The following PARD6G variants were observed in gnomAD, a reference collection of about 807,000 sequenced individuals.
PARD6G encodes the protein partitioning defective 6 homolog gamma.
PARD6G carries 7 observed loss-of-function variants against 10.7 expected under a neutral mutation model. The ratio of observed to expected loss-of-function variants is 0.66; its 90% CI spans 0.37 to 1.23. The LOEUF (loss-of-function observed/expected upper bound fraction) is 1.23. Among genes scored for constraint, PARD6G ranks in the 50% most tolerant of loss-of-function variants. The probability of loss-of-function intolerance (pLI) is 0.02; values close to 1 mark genes in which losing one functional copy is unlikely to be tolerated. For synonymous variants in PARD6G, 287 were observed against 269.4 expected (o/e 1.07, Z -0.64); for missense variants, 548 against 571.8 (o/e 0.96, Z 0.42).
intron 2 of PARD6G, chr18:80,168,715 A>G (rs2052753708): frequency 5.9e-6 from 1 of 168,364 alleles, no homozygotes; most frequent in South Asian, 2.0e-4. Flanking sequence ...CCTCCCAGCA[A>G]TTCTCATGCT....
rs1276288904 is a variant in PARD6G at position 80,246,194 on chromosome 18, G to C, written c.72+1083C>G. Among the ~76,000 whole-genome samples the C allele has an allele frequency of 1.3e-5, 2 of 152,074 alleles. No individual in the cohort carries two copies. The highest frequency in any genetic ancestry group is 1.3e-4 in the Admixed American group (2 of 15,266). On this transcript the variant is annotated intron_variant, in intron 1 of 2. Transcript: ENST00000353265. The surrounding 1 kb of genome is among the most constrained non-coding windows in gnomAD (Gnocchi z 6.7). ...AGCCTTTCCCACAACTCTGAGAACC[G>C]GGGTGCGAAGAAAGAAAGGGCGAAA... is the stretch of plus-strand genomic sequence containing the variant.
At chr18:80,191,681 T>C (rs6417053) in intron 2 of PARD6G, among the ~76,000 whole-genome samples, 6 of 152,242 alleles carry the variant, frequency 3.9e-5, no homozygotes, top group Non-Finnish European at 2.9e-5. Context: ...TATGCCACAA[T>C]TTAAATATAT....
chr18:80,222,084 TTC>T (rs1474778953), intron 1 of PARD6G, among the ~76,000 whole-genome samples: 3 of 152,138 alleles, frequency 2.0e-5, no homozygotes, highest in African/African-American at 4.8e-5. Context: ...CTTAATTTTT[TTC>T]TTTTTTCTTT....
chr18:80,242,187 T>C (rs1967498057), intron 1 of PARD6G, among the ~76,000 whole-genome samples: 1 of 152,174 alleles, frequency 6.6e-6, no homozygotes, highest in African/African-American at 2.4e-5. Context: ...CCCTGGTAAG[T>C]CTCCCTAAGA....
intron 1 of PARD6G, among the ~76,000 whole-genome samples, chr18:80,223,580 C>T (rs1568441356): frequency 1.3e-5 from 2 of 152,156 alleles, no homozygotes; most frequent in Admixed American, 6.5e-5. Context: ...CTGATAAGAA[C>T]GTGTGGGAAT....
rs368052105 is a variant in PARD6G at position 80,225,917 on chromosome 18, G to A, written c.72+21360C>T. On this transcript the variant is annotated intron_variant, in intron 1 of 2. Coordinates refer to ENST00000353265, the MANE Select transcript of PARD6G (RefSeq NM_032510.4). ...GCCGGCTCACGAGGGCCCCACACAC[G>A]GATGTCTAACTCTGCACATCACCCC... Among the ~76,000 whole-genome samples, 29 of 152,170 alleles carry A rather than the reference G, an allele frequency of 1.9e-4. No homozygotes were observed. In the East Asian group the frequency reaches 2.3e-3, roughly 12 times the overall value.
Position 80,159,609 on chromosome 18 carries a change from A to G in PARD6G, c.*162T>C, listed in dbSNP as rs2052680781. The G allele has an allele frequency of 3.4e-6, 4 of 1,159,636 alleles. No individual in the cohort carries two copies. Among genetic ancestry groups the G allele is most frequent in the Middle Eastern group, 2.2e-4 (1 of 4,588 alleles). The allele number at this position is 1,159,636 out of a possible 1,614,324, so 71.8% of individuals were successfully genotyped here. A position where few individuals can be genotyped will look rare whatever the true frequency, so the allele number is the denominator to read the frequency against. ...TTAAGTTCTGTGGCGAAATTCTATAAAAATAGGCAATACTTGTGTTTTTAT... is the reference window on the plus strand; with the variant it reads ...TTAAGTTCTGTGGCGAAATTCTATAGAAATAGGCAATACTTGTGTTTTTAT... On this transcript the variant is annotated 3_prime_UTR_variant, in exon 3 of 3. Transcript: ENST00000353265.
At chr18:80,209,421 A>G (rs1316654982) in intron 1 of PARD6G, among the ~76,000 whole-genome samples, 3 of 152,206 alleles carry the variant, frequency 2.0e-5, no homozygotes, top group African/African-American at 7.2e-5. Context: ...TATTCCTACA[A>G]CAGGATAGTA....
rs1349785078 is a variant in PARD6G, at chr18:80,157,900, G to A, written c.*1871C>T. ...TCCCTCTTAGCAGTTCCATGTTCAC[G>A]AAGTCAGGACAGTTCTGCCACTGAC... On this transcript the variant is annotated 3_prime_UTR_variant, in exon 3 of 3. Transcript: ENST00000353265. 6.6e-6 allele frequency: 1 copy of A among 152,282 alleles called. No individual in the cohort carries two copies. Among genetic ancestry groups the A allele is most frequent in the South Asian group, 2.1e-4 (1 of 4,832 alleles). The allele number at this position is 152,282 out of a possible 1,614,324, so 9.4% of individuals were successfully genotyped here.
chr18:80,203,121 T>G, intron 1 of PARD6G, 189 bp from the exon 2 acceptor site: 1 of 535,810 alleles, frequency 1.9e-6, no homozygotes, highest in East Asian at 3.4e-5. Flanking sequence ...GGAATGAAGC[T>G]ACAAATGCTT....
rs979573293 is a variant in PARD6G, at chr18:80,173,807, T to C, written c.296-13201A>G. ...TGCCAAAAGGAAATGGTGTCTCAGCTGGAGGTGGCTCTGGAGCTGCTCCCC... is the reference window on the plus strand; with the variant it reads ...TGCCAAAAGGAAATGGTGTCTCAGCCGGAGGTGGCTCTGGAGCTGCTCCCC... On this transcript the variant is annotated intron_variant, in intron 2 of 2. Transcript: ENST00000353265. Among the ~76,000 whole-genome samples the C allele has an allele frequency of 2.6e-5, 4 of 152,220 alleles. 1 individual carries two copies. The highest frequency in any genetic ancestry group is 1.3e-4 in the Admixed American group (2 of 15,278).
At chr18:80,210,396 C>T (rs1236320841) in intron 1 of PARD6G, among the ~76,000 whole-genome samples, 5 of 152,202 alleles carry the variant, frequency 3.3e-5, no homozygotes, top group Non-Finnish European at 5.9e-5. Flanking sequence ...GCAAGCTTTG[C>T]GGTGCTTTCA....
chr18:80,230,867 G>C (rs1198545832), intron 1 of PARD6G, among the ~76,000 whole-genome samples: 2 of 152,108 alleles, frequency 1.3e-5, no homozygotes. Context: ...TAATCCTGAT[G>C]GCAACCCTAG....
In PARD6G at chr18:80,200,225, G is replaced by A. The variant is rs117520700; in HGVS notation, c.295+2485C>T. ...CAGGGGCCTCAGCTCTGCCCCAAAC[G>A]CAAACACACAGATTATGAAACATCA... On this transcript the variant is annotated intron_variant, in intron 2 of 2. Transcript: ENST00000353265. The surrounding 1 kb of genome is among the most constrained non-coding windows in gnomAD (Gnocchi z 4.4). Among the ~76,000 whole-genome samples, 4 of 152,224 alleles carry A rather than the reference G, an allele frequency of 2.6e-5. No homozygotes were observed. The highest frequency in any genetic ancestry group is 1.9e-4 in the East Asian group (1 of 5,182).
At chr18:80,241,759 G>T (rs1456344055) in intron 1 of PARD6G, among the ~76,000 whole-genome samples, 2 of 152,160 alleles carry the variant, frequency 1.3e-5, no homozygotes, top group African/African-American at 4.8e-5. Context: ...TTGCCCAGAG[G>T]AAGTGGATTT....
Position 80,247,089 on chromosome 18 carries a change from G to T in PARD6G, c.72+188C>A, listed in dbSNP as rs372031652. On this transcript the variant is annotated intron_variant, in intron 1 of 2. Coordinates refer to ENST00000353265, the MANE Select transcript of PARD6G (RefSeq NM_032510.4). The surrounding 1 kb of genome is among the most constrained non-coding windows in gnomAD (Gnocchi z 4.2). Reference sequence around the variant, plus strand: ...GCCGCGGCTGCCGGGCTTTGTGTCCGCGCGGGGGGCGGGAAGGACGGCCGG... The same window carrying T: ...GCCGCGGCTGCCGGGCTTTGTGTCCTCGCGGGGGGCGGGAAGGACGGCCGG... Among the ~76,000 whole-genome samples the T allele has an allele frequency of 6.6e-6, 1 of 152,134 alleles. No homozygotes were observed. The highest frequency in any genetic ancestry group is 1.5e-5 in the Non-Finnish European group (1 of 68,014).
chr18:80,186,217 T>C (rs1239315576), intron 2 of PARD6G, among the ~76,000 whole-genome samples: 1 of 133,684 alleles, frequency 7.5e-6, no homozygotes, highest in Non-Finnish European at 1.6e-5. Flanking sequence ...CCCTCACATA[T>C]GCTTGCACAC....
chr18:80,218,163 C>T (rs1022383351), intron 1 of PARD6G, among the ~76,000 whole-genome samples: 3 of 152,116 alleles, frequency 2.0e-5, no homozygotes, highest in Non-Finnish European at 4.4e-5. Flanking sequence ...TTTCTAAACA[C>T]AATCATACCC....
chr18:80,219,887 T>C (rs1429901926), intron 1 of PARD6G, among the ~76,000 whole-genome samples: 1 of 152,106 alleles, frequency 6.6e-6, no homozygotes, highest in Non-Finnish European at 1.5e-5. Flanking sequence ...CATTTCCCTA[T>C]CTTCTTCTGA....
Sources: allele counts gnomAD v4.1 joint callset (sites outside exome capture counted in the v4.1 genomes callset), GRCh38; gene constraint gnomAD v4.1.1; non-coding constraint Gnocchi (gnomAD v3.1); transcripts MANE v1.5; gene names NCBI Gene and HGNC (gene_info 2026-07-23, HGNC 2026-07-21).